The following DLG1 variants were observed in gnomAD, a reference collection of about 807,000 sequenced individuals.
DLG1 encodes the protein discs large MAGUK scaffold protein 1, also known as disks large homolog 1.
In DLG1, 42 loss-of-function variants were observed where a neutral mutation model predicts 123.4. The ratio of observed to expected loss-of-function variants is 0.34; its 90% CI spans 0.27 to 0.44. DLG1 has a LOEUF of 0.44. DLG1 is among the 20% of genes least tolerant of loss of function. The pLI is 1.00. For missense variants in DLG1, 942 were observed against 1,082.6 expected, an observed-to-expected ratio of 0.87 and a Z score of 1.82; for synonymous variants, 317 against 356.2, an observed-to-expected ratio of 0.89 and a Z score of 1.24.
intron 4 of DLG1, among the ~76,000 whole-genome samples, chr3:197,204,471 C>T (rs1727503804): frequency 6.6e-6 from 1 of 152,188 alleles, no homozygotes; most frequent in Admixed American, 6.5e-5. Context: ...GATTTTCCCT[C>T]ATCCATCAGT....
intron 4 of DLG1, among the ~76,000 whole-genome samples, chr3:197,202,406 TGATGTGAAATGTATCCCAACAATAAG>T (rs369542129): frequency 1.6e-4 from 25 of 152,314 alleles, no homozygotes; most frequent in African/African-American, 6.0e-4. Context: ...TCCAACACTA[TGATGTGAAATGTATCCCAACAATAAG>T]GATGGCTCAA....
chr3:197,287,330 C>T (rs1168508428), intron 3 of DLG1, among the ~76,000 whole-genome samples: 7 of 152,194 alleles, frequency 4.6e-5, no homozygotes, highest in African/African-American at 1.7e-4. Context: ...TACTTTATAT[C>T]AAGATAATTT....
chr3:197,154,193 T>C (rs1319941225), intron 5 of DLG1, among the ~76,000 whole-genome samples: 3 of 151,544 alleles, frequency 2.0e-5, no homozygotes, highest in African/African-American at 4.9e-5. Context: ...TCCCAGCTAC[T>C]TGGAAGGCTG....
intron 4 of DLG1, among the ~76,000 whole-genome samples, chr3:197,199,406 A>G (rs1200087331): frequency 1.3e-5 from 2 of 152,172 alleles, no homozygotes; most frequent in Non-Finnish European, 1.5e-5. Context: ...ACTCTGTTTC[A>G]TGCACAAAAT....
rs1560453518 is a variant in DLG1, at chr3:197,069,163, C to T, written c.2047+56G>A. The T allele has an allele frequency of 3.2e-6, 4 of 1,268,664 alleles. No homozygotes were observed. In the East Asian group the frequency reaches 1.0e-4, roughly 32 times the overall value. 78.6% of individuals were successfully genotyped at this position (1,268,664 alleles called of 1,614,324 possible). On this transcript the variant is annotated intron_variant, in intron 19 of 24. Transcript: ENST00000667157. ...CATATCACTCAGAATCCCTCCACCCCTGCAGAGGATGTATTACTCGAGATT... is the reference window on the plus strand; with the variant it reads ...CATATCACTCAGAATCCCTCCACCCTTGCAGAGGATGTATTACTCGAGATT...
intron 8 of DLG1, 84 bp from the exon 9 acceptor site, chr3:197,138,475 CT>C: frequency 3.2e-6 from 2 of 632,538 alleles, no homozygotes; most frequent in Non-Finnish European, 4.3e-6. Context: ...TTTGTTACTT[CT>C]TTTTTAAGGT....
intron 18 of DLG1, among the ~76,000 whole-genome samples, chr3:197,071,435 C>G (rs533833349): frequency 2.1e-4 from 31 of 146,138 alleles, no homozygotes; most frequent in East Asian, 1.2e-3. Context: ...TTCTCCTACT[C>G]ACCTCAAACC....
At chr3:197,067,162 T>G (rs1252719569) in intron 19 of DLG1, among the ~76,000 whole-genome samples, 1 of 152,066 alleles carries the variant, frequency 6.6e-6, no homozygotes, top group East Asian at 1.9e-4. Flanking sequence ...CTACTTTTTT[T>G]GTTCCACCAA....
chr3:197,278,175 C>G (rs6800383), intron 4 of DLG1, among the ~76,000 whole-genome samples: 1 of 146,886 alleles, frequency 6.8e-6, no homozygotes, highest in Non-Finnish European at 1.5e-5. Flanking sequence ...CCCAGCTACT[C>G]GGGAGGCTGA....
intron 4 of DLG1, among the ~76,000 whole-genome samples, chr3:197,281,829 G>C (rs924796470): frequency 6.6e-6 from 1 of 152,168 alleles, no homozygotes; most frequent in African/African-American, 2.4e-5. Flanking sequence ...GATGTGCTCC[G>C]ATTCTTCCTG....
chr3:197,100,335 C>T lies in DLG1; in HGVS notation c.1546+4568G>A, dbSNP rs140718758. ...CAAGATTTCAATCAAAGCTTTGAAG[C>T]GCAGAAAAGTTAAGTGACTATGGCC... On this transcript the variant is annotated intron_variant, in intron 14 of 24. Coordinates refer to ENST00000667157, the MANE Select transcript of DLG1 (RefSeq NM_001366207.1). Among the ~76,000 whole-genome samples, 788 of 152,196 alleles carry T rather than the reference C, an allele frequency of 5.2e-3. 7 individuals are homozygous for T. The highest frequency in any genetic ancestry group is 0.018 in the African/African-American group (743 of 41,512).
At chr3:197,230,744 T>C (rs1007219233) in intron 4 of DLG1, among the ~76,000 whole-genome samples, 1 of 152,204 alleles carries the variant, frequency 6.6e-6, no homozygotes, top group Non-Finnish European at 1.5e-5. Flanking sequence ...CATCTTTATG[T>C]AAACAATTGT....
At chr3:197,245,783 G>C (rs1437095608) in intron 4 of DLG1, among the ~76,000 whole-genome samples, 1 of 151,766 alleles carries the variant, frequency 6.6e-6, no homozygotes, top group Non-Finnish European at 1.5e-5. Context: ...GGTGGAAAAT[G>C]CATGTTTCAG....
chr3:197,250,116 C>T (rs1180332512), intron 4 of DLG1, among the ~76,000 whole-genome samples: 1 of 152,084 alleles, frequency 6.6e-6, no homozygotes, highest in African/African-American at 2.4e-5. Context: ...TCAAATTAGC[C>T]TTGTTTACAG....
intron 13 of DLG1, among the ~76,000 whole-genome samples, chr3:197,112,517 G>A (rs142469610): frequency 1.3e-5 from 2 of 152,186 alleles, no homozygotes; most frequent in Admixed American, 1.3e-4. Flanking sequence ...TATATATTGT[G>A]GATACAAGTA....
Position 197,042,769 on chromosome 3 carries a change from C to G in DLG1, c.*1854G>C, listed in dbSNP as rs746024598. 6.6e-5 allele frequency: 10 copies of G among 152,238 alleles called. No homozygotes were observed. The highest frequency in any genetic ancestry group is 1.3e-4 in the Non-Finnish European group (9 of 68,038). 9.4% of individuals were successfully genotyped at this position (152,238 alleles called of 1,614,324 possible). A position where few individuals can be genotyped will look rare whatever the true frequency, so the allele number is the denominator to read the frequency against. ...TGGTTAACAACCTACGACATTTAGT[C>G]TAACAGCAGCACTGTGTATTTCAAT... On this transcript the variant is annotated 3_prime_UTR_variant, in exon 25 of 25. Coordinates refer to ENST00000667157, the MANE Select transcript of DLG1 (RefSeq NM_001366207.1).
intron 7 of DLG1, among the ~76,000 whole-genome samples, chr3:197,141,228 A>T (rs186598732): frequency 3.3e-5 from 5 of 152,366 alleles, no homozygotes; most frequent in Admixed American, 3.3e-4. Flanking sequence ...TTCATGAATT[A>T]CCTGAATCTT....
At chr3:197,049,622 C>A (rs1278490424) in intron 24 of DLG1, among the ~76,000 whole-genome samples, 1 of 152,142 alleles carries the variant, frequency 6.6e-6, no homozygotes, top group African/African-American at 2.4e-5. Flanking sequence ...CATGGTGGCA[C>A]ATGCCTGTAA....
intron 5 of DLG1, among the ~76,000 whole-genome samples, chr3:197,169,470 GTC>G (rs1456161441): frequency 1.3e-5 from 2 of 152,186 alleles, no homozygotes; most frequent in Non-Finnish European, 2.9e-5. Context: ...CTGATGAGAA[GTC>G]TGGAGTGAGG....
Sources: gnomAD v4.1 joint callset for allele counts (sites outside exome capture counted in the v4.1 genomes callset) on GRCh38, gnomAD v4.1.1 for gene constraint, MANE v1.5 for transcripts, NCBI Gene and HGNC (gene_info 2026-07-23, HGNC 2026-07-21) for gene names.